Variants in MEMO1 observed in about 807,000 individuals in gnomAD.
MEMO1 encodes the protein protein MEMO1.
MEMO1 carries 6 observed loss-of-function variants against 45.2 expected under a neutral mutation model. That is an observed-to-expected ratio of 0.13 (90% CI 0.07 to 0.26). MEMO1 has a LOEUF of 0.26. Among genes scored for constraint, MEMO1 ranks in the 10% least tolerant of loss-of-function variants. The pLI is 1.00. For synonymous variants in MEMO1, 78 were observed against 124.3 expected (o/e 0.63, Z 2.48); for missense variants, 184 against 370.5 (o/e 0.50, Z 4.13).
Position 31,874,965 on chromosome 2 carries a change from G to C in MEMO1, c.658-5013C>G, listed in dbSNP as rs532886782. 4.7e-4 allele frequency among the ~76,000 whole-genome samples: 71 copies of C among 151,874 alleles called. 1 individual carries two copies. In the South Asian group the frequency reaches 0.011, roughly 23 times the overall value. ...ATAAACACACCTAAGTTTATGTCTA[G>C]AGCTAACCATACACGGGTCTTATTA... On this transcript the variant is annotated intron_variant, in intron 8 of 9. Coordinates refer to ENST00000404530, the MANE Select transcript of MEMO1 (RefSeq NM_001301833.4).
At chr2:32,000,564 T>C (rs956475252) in intron 2 of MEMO1, among the ~76,000 whole-genome samples, 34 of 145,868 alleles carry the variant, frequency 2.3e-4, no homozygotes, top group Non-Finnish European at 3.5e-4. Flanking sequence ...CAGGGTTTCA[T>C]CATGTTGGCC....
At chr2:31,970,731 C>T (rs1447352556) in intron 2 of MEMO1, among the ~76,000 whole-genome samples, 1 of 152,020 alleles carries the variant, frequency 6.6e-6, no homozygotes, top group Non-Finnish European at 1.5e-5. Context: ...TCAGCCGGCA[C>T]GGTGGCTCAC....
chr2:31,988,284 C>T (rs1475679948), intron 2 of MEMO1, among the ~76,000 whole-genome samples: 6 of 152,172 alleles, frequency 3.9e-5, no homozygotes, highest in Non-Finnish European at 8.8e-5. Flanking sequence ...TGGTAGCTCA[C>T]GCCTGTAATC....
chr2:31,902,097 C>T (rs1283032468), intron 6 of MEMO1, among the ~76,000 whole-genome samples: 2 of 152,004 alleles, frequency 1.3e-5, no homozygotes, highest in African/African-American at 4.8e-5. Flanking sequence ...GCCTGGACAA[C>T]ATAGCAAGAC....
At chr2:31,975,536 C>G (rs1572867201) in intron 2 of MEMO1, among the ~76,000 whole-genome samples, 1 of 152,152 alleles carries the variant, frequency 6.6e-6, no homozygotes, top group South Asian at 2.1e-4. Context: ...TTAGCTTCCA[C>G]ATCCATTAGT....
intron 7 of MEMO1, among the ~76,000 whole-genome samples, chr2:31,885,260 C>T (rs1676020447): frequency 6.6e-6 from 1 of 152,192 alleles, no homozygotes. Context: ...GCTGGGACTA[C>T]AGGCATGTGC....
At chr2:31,978,912 T>C (rs1670321827) in intron 2 of MEMO1, among the ~76,000 whole-genome samples, 1 of 152,228 alleles carries the variant, frequency 6.6e-6, no homozygotes, top group Non-Finnish European at 1.5e-5. Context: ...ACTTTGCCTA[T>C]GGAATCACAT....
intron 2 of MEMO1, among the ~76,000 whole-genome samples, chr2:31,966,379 C>A (rs1201260105): frequency 6.6e-6 from 1 of 152,166 alleles, no homozygotes; most frequent in African/African-American, 2.4e-5. Flanking sequence ...GAAGCAGACA[C>A]CTTTCTTCTG....
chr2:31,980,611 T>A (rs879258595), intron 2 of MEMO1, among the ~76,000 whole-genome samples: 10 of 152,136 alleles, frequency 6.6e-5, no homozygotes, highest in Non-Finnish European at 1.5e-4. Context: ...CAATCCTATA[T>A]AAGATGATAT....
At chr2:31,999,539 G>A (rs1387669339) in intron 2 of MEMO1, among the ~76,000 whole-genome samples, 1 of 152,102 alleles carries the variant, frequency 6.6e-6, no homozygotes, top group Non-Finnish European at 1.5e-5. Context: ...GCACGCTGGT[G>A]CCTGCCTGTA....
At chr2:31,886,713 G>C (rs1248557803) in intron 7 of MEMO1, among the ~76,000 whole-genome samples, 1 of 152,130 alleles carries the variant, frequency 6.6e-6, no homozygotes, top group Non-Finnish European at 1.5e-5. Context: ...AATTGCCCAT[G>C]TACCTGGAGA....
chr2:31,907,042 A>C (rs1679859610), intron 6 of MEMO1, among the ~76,000 whole-genome samples: 1 of 152,226 alleles, frequency 6.6e-6, no homozygotes, highest in Admixed American at 6.5e-5. Flanking sequence ...CCTGCTATTA[A>C]AAATAAGCTC....
intron 2 of MEMO1, among the ~76,000 whole-genome samples, chr2:31,987,945 T>C (rs1222468560): frequency 6.6e-6 from 1 of 152,190 alleles, no homozygotes; most frequent in African/African-American, 2.4e-5. Context: ...AATTACTTCA[T>C]GATTCTTGAG....
At chr2:31,978,336 C>T (rs977714112) in intron 2 of MEMO1, among the ~76,000 whole-genome samples, 6 of 151,886 alleles carry the variant, frequency 4.0e-5, no homozygotes, top group African/African-American at 9.7e-5. Flanking sequence ...GCAATGAGCC[C>T]GAGATCAGGT....
rs75324002 is a variant in MEMO1, at chr2:31,935,795, G to A, written c.144-3660C>T. On this transcript the variant is annotated intron_variant, in intron 3 of 9. Transcript: ENST00000404530. ...GATTCTACATGTATGTGGAAACAACGTTTTATCAAGAGATCATTCATAATA... is the reference window on the plus strand; with the variant it reads ...GATTCTACATGTATGTGGAAACAACATTTTATCAAGAGATCATTCATAATA... 8.8e-3 allele frequency among the ~76,000 whole-genome samples: 1,336 copies of A among 152,144 alleles called. 20 individuals carry two copies. The highest frequency in any genetic ancestry group is 0.031 in the African/African-American group (1,284 of 41,502).
chr2:31,963,320 A>C lies in MEMO1; in HGVS notation c.62-19937T>G, dbSNP rs145846659. 2.5e-4 allele frequency: 356 copies of C among 1,421,168 alleles called. 1 individual carries two copies. Among genetic ancestry groups the C allele is most frequent in the Admixed American group, 9.6e-4 (40 of 41,874 alleles). The allele number at this position is 1,421,168 out of a possible 1,614,324, so 88.0% of individuals were successfully genotyped here. On this transcript the variant is annotated intron_variant, in intron 2 of 9. Coordinates refer to ENST00000404530, the MANE Select transcript of MEMO1 (RefSeq NM_001301833.4). ...TAGGGATACAGATAGATATAGATACAAATATAGTTATAAAGGTGTAGACAC... is the reference window on the plus strand; with the variant it reads ...TAGGGATACAGATAGATATAGATACCAATATAGTTATAAAGGTGTAGACAC...
intron 2 of MEMO1, among the ~76,000 whole-genome samples, chr2:31,998,416 C>CA: frequency 6.6e-6 from 1 of 152,278 alleles, no homozygotes; most frequent in East Asian, 1.9e-4. Context: ...CCAACCTCTT[C>CA]ATGTTGGAAT....
intron 2 of MEMO1, among the ~76,000 whole-genome samples, chr2:31,960,363 T>TA (rs2148405700): frequency 6.6e-6 from 1 of 152,282 alleles, no homozygotes; most frequent in African/African-American, 2.4e-5. Flanking sequence ...AGCTTTTATC[T>TA]AAGGACATCA....
chr2:31,962,983 C>T (rs1013811039), intron 2 of MEMO1, among the ~76,000 whole-genome samples: 2 of 152,248 alleles, frequency 1.3e-5, no homozygotes, highest in Non-Finnish European at 2.9e-5. Context: ...TGACCCTCCC[C>T]CAAGTAAGAC....
Sources: gnomAD v4.1 joint callset for allele counts (sites outside exome capture counted in the v4.1 genomes callset) on GRCh38, gnomAD v4.1.1 for gene constraint, MANE v1.5 for transcripts, NCBI Gene and HGNC (gene_info 2026-07-23, HGNC 2026-07-21) for gene names.